Variants in DCAF1 observed in about 807,000 individuals in gnomAD.
DCAF1 encodes the protein DDB1- and CUL4-associated factor 1.
Under a neutral mutation model 128.0 loss-of-function variants are expected in DCAF1, and 15 were observed. That is an observed-to-expected ratio of 0.12 (90% CI 0.08 to 0.18). DCAF1 has a LOEUF of 0.18. Among genes scored for constraint, DCAF1 ranks in the 10% least tolerant of loss-of-function variants. The probability of loss-of-function intolerance (pLI) is 1.00; values close to 1 mark genes in which losing one functional copy is unlikely to be tolerated. For synonymous variants in DCAF1, 610 were observed against 603.0 expected (o/e 1.01, Z -0.17); for missense variants, 988 against 1,649.5 (o/e 0.60, Z 6.95).
intron 9 of DCAF1, among the ~76,000 whole-genome samples, chr3:51,439,684 G>A (rs540389869): frequency 6.6e-6 from 1 of 152,006 alleles, no homozygotes; most frequent in Admixed American, 6.6e-5. Flanking sequence ...TATACAATAT[G>A]TACATAGTTT....
chr3:51,465,693 C>T (rs572441342), intron 5 of DCAF1, among the ~76,000 whole-genome samples: 1 of 151,350 alleles, frequency 6.6e-6, no homozygotes, highest in South Asian at 2.1e-4. Context: ...TGCAGTGAGC[C>T]GAGATCACAC....
At chr3:51,408,391 A>G (rs1698096862) in intron 23 of DCAF1, among the ~76,000 whole-genome samples, 1 of 152,238 alleles carries the variant, frequency 6.6e-6, no homozygotes. Flanking sequence ...TGTATCCCTG[A>G]GCCACATAAG....
At chr3:51,417,380 C>T (rs1168402797) in intron 17 of DCAF1, among the ~76,000 whole-genome samples, 2 of 152,036 alleles carry the variant, frequency 1.3e-5, no homozygotes, top group African/African-American at 2.4e-5. Flanking sequence ...GTTTGTGCCA[C>T]CGCACTCCAA....
chr3:51,456,914 C>T (rs1456610600), intron 6 of DCAF1, among the ~76,000 whole-genome samples: 7 of 152,084 alleles, frequency 4.6e-5, no homozygotes, highest in African/African-American at 1.4e-4. Flanking sequence ...CCCATCTGTA[C>T]GTCACCATCG....
At position 51,483,741 on chromosome 3, in the gene DCAF1, C is replaced by A. The variant is rs1205106277; in HGVS notation, c.88G>T (p.Asp30Tyr). ...TACCTGGTAAGGATAGGTACCATGT[C>A]CTGCCCACTGCCATGTTCCTTTTCC... ...QWEKEHGSGQDMVPILTRMSQ... is the reference protein window; with the variant it reads ...QWEKEHGSGQYMVPILTRMSQ... The change falls in exon 3 of 25, where the codon GAC (aspartate) becomes TAC (tyrosine). Residue 30 changes from aspartate (D) to tyrosine (Y), a missense_variant. Asp to Tyr is a radical substitution (Grantham distance 160). This residue lies in a region of DCAF1 where 48 missense variants were observed against 52.6 expected (regional missense o/e 0.91). Coordinates refer to ENST00000684031, the MANE Select transcript of DCAF1 (RefSeq NM_001387579.1). 6.2e-7 allele frequency: 1 copy of A among 1,613,400 alleles called. No homozygotes were observed. Among genetic ancestry groups the A allele is most frequent in the African/African-American group, 1.3e-5 (1 of 74,782 alleles).
rs1378115291 is a variant in DCAF1, at chr3:51,398,050, C to T, written c.*719G>A. ...CCACAAAACCAATATCCACAATGAC[C>T]ATGCTGCCCCCAAACCATGAAGGTG... On this transcript the variant is annotated 3_prime_UTR_variant, in exon 25 of 25. Transcript: ENST00000684031. 6.4e-6 allele frequency: 1 copy of T among 156,760 alleles called. No individual in the cohort carries two copies. Among genetic ancestry groups the T allele is most frequent in the Non-Finnish European group, 1.5e-5 (1 of 68,060 alleles). The allele number at this position is 156,760 out of a possible 1,614,324, so 9.7% of individuals were successfully genotyped here. A position where few individuals can be genotyped will look rare whatever the true frequency, so the allele number is the denominator to read the frequency against.
intron 2 of DCAF1, among the ~76,000 whole-genome samples, chr3:51,493,536 A>G (rs1460628237): frequency 3.9e-5 from 6 of 152,196 alleles, no homozygotes. Flanking sequence ...GAAACAACCC[A>G]AAAGTCCATC....
chr3:51,494,372 C>T (rs1464415669), intron 2 of DCAF1, among the ~76,000 whole-genome samples: 2 of 151,926 alleles, frequency 1.3e-5, no homozygotes, highest in African/African-American at 4.8e-5. Flanking sequence ...CCTCAGCCTC[C>T]CAAAGTGCTG....
At chr3:51,454,510 C>A (rs1376999906) in intron 6 of DCAF1, among the ~76,000 whole-genome samples, 1 of 152,110 alleles carries the variant, frequency 6.6e-6, no homozygotes, top group Non-Finnish European at 1.5e-5. Context: ...TACAGTCACA[C>A]ACCACCACAC....
At chr3:51,409,275 C>G (rs1698184246) in intron 23 of DCAF1, among the ~76,000 whole-genome samples, 1 of 152,204 alleles carries the variant, frequency 6.6e-6, no homozygotes, top group Non-Finnish European at 1.5e-5. Context: ...CTCGCTTCCA[C>G]AGCCAGCCAC....
At chr3:51,431,969 C>T (rs550242918) in intron 10 of DCAF1, among the ~76,000 whole-genome samples, 21 of 151,080 alleles carry the variant, frequency 1.4e-4, no homozygotes, top group Admixed American at 9.2e-4. Flanking sequence ...CAGAGCGAGA[C>T]CCTGTCATTA....
At chr3:51,443,929 C>A in intron 6 of DCAF1, 26 bp from the exon 7 acceptor site, 1 of 1,547,198 alleles carries the variant, frequency 6.5e-7, no homozygotes. Context: ...TTAAATAGTA[C>A]ATTTCGGAAA....
At chr3:51,411,822 T>C (rs797027706) in intron 23 of DCAF1, among the ~76,000 whole-genome samples, 6 of 152,100 alleles carry the variant, frequency 3.9e-5, no homozygotes, top group African/African-American at 1.4e-4. Context: ...AAATCAGAGA[T>C]TGCCAGGATG....
chr3:51,498,420 T>C (rs1236919987), intron 1 of DCAF1, among the ~76,000 whole-genome samples: 1 of 149,004 alleles, frequency 6.7e-6, no homozygotes, highest in Non-Finnish European at 1.5e-5. Flanking sequence ...CACTCCAGCC[T>C]AGGCTACAGG....
chr3:51,417,667 C>A (rs1179009832), intron 17 of DCAF1, among the ~76,000 whole-genome samples: 3 of 151,566 alleles, frequency 2.0e-5, no homozygotes, highest in Admixed American at 1.3e-4. Context: ...TTGCAGTAGG[C>A]TGAGATCGCG....
chr3:51,468,385 T>C (rs1489389640), intron 4 of DCAF1, among the ~76,000 whole-genome samples: 4 of 152,172 alleles, frequency 2.6e-5, no homozygotes, highest in Non-Finnish European at 5.9e-5. Flanking sequence ...TTGGCCAAGC[T>C]GGTCTCGAAC....
chr3:51,461,143 A>C (rs1220786976), intron 6 of DCAF1, among the ~76,000 whole-genome samples: 2 of 151,550 alleles, frequency 1.3e-5, no homozygotes, highest in African/African-American at 4.8e-5. Flanking sequence ...AATGGGAGAA[A>C]ATTTTTGCAA....
chr3:51,449,641 A>T (rs1702173291), intron 6 of DCAF1, among the ~76,000 whole-genome samples: 1 of 152,236 alleles, frequency 6.6e-6, no homozygotes, highest in Non-Finnish European at 1.5e-5. Context: ...TAGCAAAAGA[A>T]ATAATAAAGA....
intron 20 of DCAF1, 135 bp downstream of exon 20, chr3:51,413,815 A>AT (rs1698644168): frequency 8.5e-7 from 1 of 1,175,996 alleles, no homozygotes; most frequent in Non-Finnish European, 1.1e-6. Context: ...CATACTATCA[A>AT]TTTTTTATCT....
Sources: gnomAD v4.1 joint callset for allele counts (sites outside exome capture counted in the v4.1 genomes callset) on GRCh38, gnomAD v4.1.1 for gene constraint, gnomAD v4.1.1 regional missense constraint, MANE v1.5 for transcripts, NCBI Gene and HGNC (gene_info 2026-07-23, HGNC 2026-07-21) for gene names.